The following TTLL3 variants were observed in gnomAD, a reference collection of about 807,000 sequenced individuals.
TTLL3 encodes tubulin tyrosine ligase like 3.
In TTLL3, 63 loss-of-function variants were observed where a neutral mutation model predicts 75.2. The observed-to-expected ratio is 0.84, with a 90% confidence interval of 0.68 to 1.03. The LOEUF is 1.03. Ranked by LOEUF, TTLL3 falls within the 50% of genes least tolerant of loss-of-function variation. TTLL3 has a pLI of 0.00. For missense variants in TTLL3, 997 were observed against 1,069.9 expected, an observed-to-expected ratio of 0.93 and a Z score of 0.95; for synonymous variants, 393 against 418.5, an observed-to-expected ratio of 0.94 and a Z score of 0.74.
chr3:9,825,169 A>C (rs2080903581), intron 8 of TTLL3, among the ~76,000 whole-genome samples: 2 of 152,092 alleles, frequency 1.3e-5, no homozygotes, highest in Admixed American at 6.5e-5. Flanking sequence ...TGGGTAACAT[A>C]ATAAGACCCA....
At chr3:9,814,504 T>A (rs1046735836) in intron 4 of TTLL3, among the ~76,000 whole-genome samples, 28 of 151,910 alleles carry the variant, frequency 1.8e-4, no homozygotes, top group African/African-American at 6.8e-4. Context: ...AAAAATTAGC[T>A]GGGTGTAGTG....
chr3:9,811,938 A>T (rs772498449), intron 2 of TTLL3, among the ~76,000 whole-genome samples: 44 of 152,210 alleles, frequency 2.9e-4, no homozygotes, highest in Non-Finnish European at 5.7e-4. Flanking sequence ...CCCATTAAGT[A>T]TGCAGTTTCT....
intron 12 of TTLL3, chr3:9,834,288 G>A: frequency 2.2e-6 from 1 of 446,252 alleles, no homozygotes; most frequent in Non-Finnish European, 4.5e-6. Flanking sequence ...TTCTGCCTTT[G>A]CCTTCAAGCA....
At chr3:9,821,589 G>A (rs1217013074) in intron 8 of TTLL3, among the ~76,000 whole-genome samples, 1 of 152,188 alleles carries the variant, frequency 6.6e-6, no homozygotes, top group African/African-American at 2.4e-5. Flanking sequence ...ATGAGCAGCA[G>A]ATCCACATCA....
chr3:9,815,370 CAG>C (rs1160148697), intron 4 of TTLL3, among the ~76,000 whole-genome samples: 4 of 152,112 alleles, frequency 2.6e-5, no homozygotes. Flanking sequence ...ATCTGTAAAA[CAG>C]AGATAACCTT....
At chr3:9,814,406 G>A (rs1180895511) in intron 4 of TTLL3, among the ~76,000 whole-genome samples, 3 of 152,038 alleles carry the variant, frequency 2.0e-5, no homozygotes, top group Non-Finnish European at 4.4e-5. Context: ...AGCACTTTGG[G>A]AGGCCGAGGC....
Position 9,833,235 on chromosome 3 carries a change from C to G in TTLL3, c.1815C>G (p.Gly605=). The part of the protein sequence containing the change: ...RPAVPLLTQR[G]SGEARHHFPS... ...CAGTCCCTCTGCTGACCCAGCGAGG[C>G]TCTGGGGAAGGCAAGGACTCGGGGA... is the stretch of plus-strand genomic sequence containing the variant. Residue 605 remains glycine, a synonymous_variant, in exon 12 of 14, where the codon GGC becomes GGG. Transcript: ENST00000685419. The G allele has an allele frequency of 6.2e-7, 1 of 1,614,012 alleles. No homozygotes were observed. Among genetic ancestry groups the G allele is most frequent in the Non-Finnish European group, 8.5e-7 (1 of 1,179,960 alleles).
Position 9,817,428 on chromosome 3 carries a change from A to G in TTLL3, c.445-217A>G, listed in dbSNP as rs183607124. The G allele has an allele frequency of 1.0e-5, 10 of 985,138 alleles. No individual in the cohort carries two copies. The East Asian group carries it at 1.1e-3, about 112-fold the overall frequency. The allele number at this position is 985,138 out of a possible 1,614,324, so 61.0% of individuals were successfully genotyped here. A position where few individuals can be genotyped will look rare whatever the true frequency, so the allele number is the denominator to read the frequency against. ...GACAGAGTGAGACTCCATCTCAAAA[A>G]AAAAAAGAATGTGAAAGGGGGGACA... is the stretch of plus-strand genomic sequence containing the variant. On this transcript the variant is annotated intron_variant, in intron 5 of 13. Transcript: ENST00000685419.
chr3:9,820,282 G>A (rs2080287666), intron 7 of TTLL3: 1 of 1,298,222 alleles, frequency 7.7e-7, no homozygotes, highest in African/African-American at 1.5e-5. Context: ...GAGGCTATAG[G>A]TGCTGTCAGA....
In TTLL3 at chr3:9,829,302, T is replaced by G; in HGVS notation, c.1590T>G (p.Cys530Trp). 6.2e-7 allele frequency: 1 copy of G among 1,613,962 alleles called. No individual in the cohort carries two copies. The highest frequency in any genetic ancestry group is 1.1e-5 in the South Asian group (1 of 91,072). ...CCACAGCAGTCACTGCCCGGCTCTG[T>G]GCTGGCGTGCAAGCTGACACCCTGC... ...APSTAVTARL[C>W]AGVQADTLRV... Residue 530 changes from cysteine to tryptophan, a missense_variant, in exon 11 of 14, where the codon TGT becomes TGG. By Grantham distance (215) the Cys-to-Trp change is radical (BLOSUM62 -2). Coordinates refer to ENST00000685419, the MANE Select transcript of TTLL3 (RefSeq NM_001387446.1).
At chr3:9,809,829 C>T (rs915314560), upstream of TTLL3, 6 of 444,502 alleles carry the variant, frequency 1.3e-5, no homozygotes, top group Middle Eastern at 6.0e-4. Flanking sequence ...AGCCCCCAAC[C>T]AGCCCCGAGC....
intron 12 of TTLL3, chr3:9,834,437 AG>A (rs2081901039): frequency 1.4e-6 from 1 of 698,200 alleles, no homozygotes; most frequent in Non-Finnish European, 2.6e-6. Flanking sequence ...CCGAGGTATC[AG>A]GAAGTTTAAG....
intron 2 of TTLL3, among the ~76,000 whole-genome samples, chr3:9,812,029 A>G (rs1347683735): frequency 6.6e-6 from 1 of 152,160 alleles, no homozygotes; most frequent in East Asian, 1.9e-4. Flanking sequence ...TAATTTCTCT[A>G]TGCCTCTGTT....
At chr3:9,824,737 C>CTT (rs71052207) in intron 8 of TTLL3, among the ~76,000 whole-genome samples, 63 of 80,668 alleles carry the variant, frequency 7.8e-4, no homozygotes, top group African/African-American at 1.2e-3. Context: ...CTTTTCTTTT[C>CTT]TTTTTTTTTT....
Position 9,835,586 on chromosome 3 carries a change from C to G in TTLL3, c.*97C>G. On this transcript the variant is annotated 3_prime_UTR_variant, in exon 14 of 14. Transcript: ENST00000685419. Reference sequence around the variant, plus strand: ...TAGGGACTCCCCCAGCATCTCCGATCCAGGGGTGGGGAGCGTGAGCCTTCA... The same window carrying G: ...TAGGGACTCCCCCAGCATCTCCGATGCAGGGGTGGGGAGCGTGAGCCTTCA... 2 of 1,237,156 alleles carry G rather than the reference C, an allele frequency of 1.6e-6. No homozygotes were observed. Among genetic ancestry groups the G allele is most frequent in the Non-Finnish European group, 2.2e-6 (2 of 898,014 alleles). The allele number at this position is 1,237,156 out of a possible 1,614,324, so 76.6% of individuals were successfully genotyped here.
At position 9,835,275 on chromosome 3, in the gene TTLL3, C is replaced by T. The variant is rs751044752; in HGVS notation, c.2234C>T (p.Pro745Leu). 11 of 1,614,034 alleles carry T rather than the reference C, an allele frequency of 6.8e-6. No homozygotes were observed. Among genetic ancestry groups the T allele is most frequent in the Non-Finnish European group, 9.3e-6 (11 of 1,180,026 alleles). ...ATGAAGAGGCTGAGCCCCCTGAAAC[C>T]CCTGCCCCTTGTTGGTACATTCCAG... The part of the protein sequence containing the change: ...CPMKRLSPLK[P>L]LPLVGTFQRR... The change falls in exon 14 of 14, where the codon CCC becomes CTC. Residue 745 changes from proline (P) to leucine (L), a missense_variant. Physicochemically the swap from Pro to Leu is moderately conservative, Grantham distance 98 (BLOSUM62 -3). Coordinates refer to ENST00000685419, the MANE Select transcript of TTLL3 (RefSeq NM_001387446.1).
intron 11 of TTLL3, among the ~76,000 whole-genome samples, chr3:9,831,867 C>T (rs780758234): frequency 3.4e-5 from 5 of 147,856 alleles, no homozygotes; most frequent in Non-Finnish European, 7.4e-5. Flanking sequence ...GGTGCTAGCT[C>T]GGCTCACTGC....
In TTLL3 at chr3:9,814,157, AAAAC is replaced by A. The variant is rs911121968; in HGVS notation, c.315+820_315+823del. ...TCTACTAAAAAAACAAACAAATAAA[AAAAC>A]AAACAAATAACAACAACAACAAAAA... On this transcript the variant is annotated intron_variant, in intron 4 of 13. Transcript: ENST00000685419. Among the ~76,000 whole-genome samples, 27 of 151,786 alleles carry A rather than the reference AAAAC, an allele frequency of 1.8e-4. No individual in the cohort carries two copies. The East Asian group carries it at 1.9e-3, about 11-fold the overall frequency.
At chr3:9,819,785 C>T (rs1266691510) in intron 7 of TTLL3, 2 of 985,378 alleles carry the variant, frequency 2.0e-6, no homozygotes, top group Non-Finnish European at 2.4e-6. Context: ...AGAGAGACTC[C>T]CCCATTGCTG....
Sources: allele counts gnomAD v4.1 joint callset (sites outside exome capture counted in the v4.1 genomes callset), GRCh38; gene constraint gnomAD v4.1.1; transcripts MANE v1.5; gene names NCBI Gene and HGNC (gene_info 2026-07-23, HGNC 2026-07-21).